GRIK2: variants seen among roughly 807,000 people sequenced by gnomAD.
GRIK2 encodes glutamate ionotropic receptor kainate type subunit 2.
In GRIK2, 32 loss-of-function variants were observed where a neutral mutation model predicts 100.3. The ratio of observed to expected loss-of-function variants is 0.32; its 90% CI spans 0.24 to 0.43. The LOEUF is 0.43. Ranked by LOEUF, GRIK2 falls within the 20% of genes least tolerant of loss-of-function variation. The pLI is 1.00. For missense variants in GRIK2, 843 were observed against 1,114.9 expected (o/e 0.76, Z 3.47); for synonymous variants, 417 against 389.4 (o/e 1.07, Z -0.83).
chr6:101,496,094 C>T (rs1461326469), intron 2 of GRIK2, among the ~76,000 whole-genome samples: 4 of 152,130 alleles, frequency 2.6e-5, no homozygotes, highest in African/African-American at 9.6e-5. Context: ...TACAGGCGCA[C>T]ATCACCACAC....
intron 7 of GRIK2, among the ~76,000 whole-genome samples, chr6:101,762,675 ACT>A (rs1777804881): frequency 6.6e-6 from 1 of 152,122 alleles, no homozygotes; most frequent in Non-Finnish European, 1.5e-5. Context: ...TTGATAAATG[ACT>A]CTGTCTAAAA....
chr6:101,969,346 A>G (rs1266774383), intron 14 of GRIK2, among the ~76,000 whole-genome samples: 1 of 152,006 alleles, frequency 6.6e-6, no homozygotes, highest in African/African-American at 2.4e-5. Context: ...ATGATAAAAT[A>G]TTTGAATTTG....
chr6:101,939,382 A>C (rs533759994), intron 14 of GRIK2, among the ~76,000 whole-genome samples: 6 of 152,158 alleles, frequency 3.9e-5, no homozygotes, highest in Admixed American at 3.9e-4. Flanking sequence ...TATTATCCTT[A>C]TTGTGAGGAG....
intron 15 of GRIK2, among the ~76,000 whole-genome samples, chr6:102,037,919 G>T (rs1770357501): frequency 6.6e-6 from 1 of 151,208 alleles, no homozygotes; most frequent in Non-Finnish European, 1.5e-5. Flanking sequence ...TTTGAAATAT[G>T]TTTTTTCCTA....
intron 4 of GRIK2, among the ~76,000 whole-genome samples, chr6:101,672,048 G>A (rs1341549505): frequency 1.3e-5 from 2 of 152,070 alleles, no homozygotes. Flanking sequence ...GAGAGGGGCT[G>A]ATACTTTCCT....
chr6:101,751,167 G>A (rs9404137), intron 7 of GRIK2, among the ~76,000 whole-genome samples: 16,600 of 151,902 alleles, frequency 0.11, 1,583 homozygotes, highest in East Asian at 0.5. Context: ...TCAAACTTGC[G>A]GGCTCAAGTG....
chr6:101,769,944 GGCAGTT>G (rs1195684201), intron 7 of GRIK2, among the ~76,000 whole-genome samples: 1 of 152,218 alleles, frequency 6.6e-6, no homozygotes, highest in East Asian at 1.9e-4. Flanking sequence ...AGGTTAGACA[GGCAGTT>G]GCTGGGCAAA....
chr6:101,425,591 C>T (rs972237608), intron 2 of GRIK2, among the ~76,000 whole-genome samples: 43 of 152,032 alleles, frequency 2.8e-4, no homozygotes, highest in Admixed American at 2.8e-3. Context: ...CTACATTTTT[C>T]ACTTTGTATT....
At chr6:101,696,539 T>C (rs1050943421) in intron 7 of GRIK2, among the ~76,000 whole-genome samples, 1 of 151,950 alleles carries the variant, frequency 6.6e-6, no homozygotes, top group South Asian at 2.1e-4. Flanking sequence ...GCCCTAGGAA[T>C]AGTGACCCAA....
intron 7 of GRIK2, among the ~76,000 whole-genome samples, chr6:101,775,978 ATCTC>A (rs1285762972): frequency 6.6e-6 from 1 of 152,116 alleles, no homozygotes; most frequent in Non-Finnish European, 1.5e-5. Flanking sequence ...TTGTAATAAA[ATCTC>A]TCTGGTAGTT....
At chr6:101,710,509 G>T (rs1773623441) in intron 7 of GRIK2, among the ~76,000 whole-genome samples, 1 of 151,854 alleles carries the variant, frequency 6.6e-6, no homozygotes, top group African/African-American at 2.4e-5. Flanking sequence ...ATCAAGAGTG[G>T]TGGGACTTTG....
At chr6:101,506,227 T>C (rs149158655) in intron 2 of GRIK2, among the ~76,000 whole-genome samples, 359 of 152,232 alleles carry the variant, frequency 2.4e-3, no homozygotes, top group Middle Eastern at 6.8e-3. Context: ...AAAACACTGT[T>C]CATGTGTTTT....
intron 4 of GRIK2, among the ~76,000 whole-genome samples, chr6:101,667,185 T>A (rs1219643808): frequency 6.6e-6 from 1 of 152,152 alleles, no homozygotes; most frequent in East Asian, 1.9e-4. Flanking sequence ...CCGCTCTCCA[T>A]GACTTACCTA....
At chr6:101,413,029 A>AG (rs1297664351) in intron 2 of GRIK2, among the ~76,000 whole-genome samples, 2 of 152,070 alleles carry the variant, frequency 1.3e-5, no homozygotes, top group African/African-American at 4.8e-5. Context: ...GCAGGTAGCC[A>AG]GACTATATCA....
chr6:101,774,022 T>C (rs974224661), intron 7 of GRIK2, among the ~76,000 whole-genome samples: 1 of 152,206 alleles, frequency 6.6e-6, no homozygotes, highest in Admixed American at 6.5e-5. Context: ...TTTCATTTTT[T>C]TCAGAATATC....
At chr6:102,011,577 CTTTTTT>C (rs763369559) in intron 14 of GRIK2, among the ~76,000 whole-genome samples, 16,933 of 76,122 alleles carry the variant, frequency 0.22, 600 homozygotes, top group Admixed American at 0.26. Context: ...CTTTCTTTTC[CTTTTTT>C]TTTTTTTTTT....
chr6:101,586,333 T>A (rs1400733450), intron 2 of GRIK2, among the ~76,000 whole-genome samples: 1 of 152,038 alleles, frequency 6.6e-6, no homozygotes, highest in South Asian at 2.1e-4. Flanking sequence ...TCAAAGTTTG[T>A]TTTTACACAG....
chr6:101,509,646 A>G (rs1302566601), intron 2 of GRIK2, among the ~76,000 whole-genome samples: 3 of 152,182 alleles, frequency 2.0e-5, no homozygotes, highest in South Asian at 2.1e-4. Flanking sequence ...AAAATTTTCC[A>G]TATGTGTCTG....
chr6:102,052,850 C>A (rs1415741019), intron 15 of GRIK2, among the ~76,000 whole-genome samples: 3 of 152,086 alleles, frequency 2.0e-5, no homozygotes, highest in Admixed American at 2.0e-4. Context: ...CTTTACAGGG[C>A]AGGTGGATTG....
Sources: allele counts gnomAD v4.1 joint callset (sites outside exome capture counted in the v4.1 genomes callset), GRCh38; gene constraint gnomAD v4.1.1; transcripts MANE v1.5; gene names NCBI Gene and HGNC (gene_info 2026-07-23, HGNC 2026-07-21).